ZMYM2: variants seen among roughly 807,000 people sequenced by gnomAD.
ZMYM2 encodes zinc finger MYM-type containing 2, also known as zinc finger MYM-type protein 2.
A neutral mutation model predicts 162.8 loss-of-function variants in ZMYM2; 56 were observed. The ratio of observed to expected loss-of-function variants is 0.34; its 90% confidence interval spans 0.28 to 0.43. The LOEUF is 0.43. ZMYM2 is among the 20% of genes least tolerant of loss of function. ZMYM2 has a pLI of 1.00. For missense variants in ZMYM2, 1,275 were observed against 1,621.8 expected (o/e 0.79, Z 3.67); for synonymous variants, 510 against 541.6 (o/e 0.94, Z 0.81).
chr13:19,905,142 G>T, the ZMYM2 span, among the ~76,000 whole-genome samples: 1 of 151,422 alleles, frequency 6.6e-6, no homozygotes, highest in Admixed American at 6.6e-5. Flanking sequence ...CTCCCAAGTA[G>T]CTGAGACTAC....
chr13:19,878,517 C>CCCCCT, the ZMYM2 span, among the ~76,000 whole-genome samples: 2 of 99,028 alleles, frequency 2.0e-5, no homozygotes, highest in Non-Finnish European at 4.2e-5. Context: ...TTCCTTTGCC[C>CCCCCT]TTTTTTTTTT....
At chr13:20,026,540 A>G in intron 7 of ZMYM2, 72 bp from the exon 8 acceptor site, 1 of 1,460,366 alleles carries the variant, frequency 6.8e-7, no homozygotes, top group African/African-American at 1.4e-5. Flanking sequence ...AAAAAGTGTA[A>G]TGAAAAATTG....
chr13:19,958,686 G>C (rs1954747204), upstream of ZMYM2: 1 of 154,358 alleles, frequency 6.5e-6, no homozygotes, highest in South Asian at 2.0e-4. Flanking sequence ...CGGAGGGCGG[G>C]GCCTCCCCGG....
chr13:19,895,092 A>AG, the ZMYM2 span, among the ~76,000 whole-genome samples: 4 of 151,088 alleles, frequency 2.6e-5, no homozygotes, highest in East Asian at 1.9e-4. Context: ...AAAAAAAAAA[A>AG]AAAAAGAAAA....
At chr13:19,909,506 C>T in the ZMYM2 span, among the ~76,000 whole-genome samples, 19 of 142,412 alleles carry the variant, frequency 1.3e-4, no homozygotes, top group Non-Finnish European at 6.0e-5. Context: ...AGTCTTGGCT[C>T]ACTGCAACCT....
intron 2 of ZMYM2, 134 bp from the exon 3 acceptor site, chr13:19,992,929 C>A: frequency 1.0e-6 from 1 of 992,788 alleles, no homozygotes; most frequent in Non-Finnish European, 1.4e-6. Context: ...CACATATTTT[C>A]CTGAATGTTA....
intron 10 of ZMYM2, among the ~76,000 whole-genome samples, chr13:20,032,906 G>T (rs935711811): frequency 1.3e-5 from 2 of 152,068 alleles, no homozygotes; most frequent in Non-Finnish European, 2.9e-5. Context: ...ACCGCACCCA[G>T]CCTGGATTAC....
chr13:19,892,654 A>T, the ZMYM2 span, among the ~76,000 whole-genome samples: 1 of 151,694 alleles, frequency 6.6e-6, no homozygotes, highest in Admixed American at 6.6e-5. Flanking sequence ...TTTGAGAAGT[A>T]GAGGGATTTT....
intron 2 of ZMYM2, among the ~76,000 whole-genome samples, chr13:19,986,474 C>CT (rs1256188229): frequency 6.6e-6 from 1 of 151,930 alleles, no homozygotes; most frequent in East Asian, 1.9e-4. Flanking sequence ...CATCATTACT[C>CT]TAAGGCAGTT....
At chr13:20,067,566 C>CA (rs1956774870) in intron 21 of ZMYM2, among the ~76,000 whole-genome samples, 176 bp downstream of exon 21, 1 of 152,144 alleles carries the variant, frequency 6.6e-6, no homozygotes, top group African/African-American at 2.4e-5. Context: ...TTTCCTTACC[C>CA]ATTGCAGATA....
intron 14 of ZMYM2, 64 bp downstream of exon 14, chr13:20,052,375 G>A: frequency 6.8e-7 from 1 of 1,460,212 alleles, no homozygotes; most frequent in Non-Finnish European, 9.2e-7. Context: ...AAAATAATTA[G>A]GCCAATTTAA....
At chr13:19,910,099 T>C in the ZMYM2 span, among the ~76,000 whole-genome samples, 10 of 146,758 alleles carry the variant, frequency 6.8e-5, no homozygotes, top group South Asian at 4.3e-4. Flanking sequence ...TGGTGGCGGG[T>C]GCCTGTAGTC....
chr13:20,057,489 T>A, intron 14 of ZMYM2, among the ~76,000 whole-genome samples: 1 of 152,094 alleles, frequency 6.6e-6, no homozygotes. Context: ...TAGGATTTTA[T>A]ATGCATAAGG....
chr13:19,915,687 A>C, the ZMYM2 span, among the ~76,000 whole-genome samples: 2 of 151,400 alleles, frequency 1.3e-5, no homozygotes, highest in Non-Finnish European at 2.9e-5. Flanking sequence ...TATTTTTAGT[A>C]GAGACAGAGT....
At chr13:19,890,522 A>AAAAAAAAAG in the ZMYM2 span, among the ~76,000 whole-genome samples, 8 of 148,336 alleles carry the variant, frequency 5.4e-5, no homozygotes, top group Admixed American at 1.3e-4. Flanking sequence ...AAAAAAAAAA[A>AAAAAAAAAG]GTTGGGAAAA....
chr13:20,064,723 T>TTACTATTTCTATTTGTATAGAAATAGTAA (rs879815043), intron 19 of ZMYM2, among the ~76,000 whole-genome samples, 178 bp downstream of exon 19: 4,277 of 150,654 alleles, frequency 0.028, 76 homozygotes, highest in Non-Finnish European at 0.046. Context: ...ATTACTATTA[T>TTACTATTTCTATTTGTATAGAAATAGTAA]TTATTACTAT....
chr13:19,971,958 G>T (rs1956372949), intron 2 of ZMYM2, among the ~76,000 whole-genome samples: 1 of 152,012 alleles, frequency 6.6e-6, no homozygotes, highest in Non-Finnish European at 1.5e-5. Flanking sequence ...GGGTATTAGG[G>T]TATTATTTTA....
rs374316632 is a variant in ZMYM2 at position 20,067,037 on chromosome 13, G to A, written c.3301+18G>A. ...AAAATCTTGTAAGTGTTTTAATTTT[G>A]TTTCTCCTAAGTCCTATTTAAAATC... is the stretch of plus-strand genomic sequence containing the variant. On this transcript the variant is annotated intron_variant, in intron 20 of 24. Coordinates refer to ENST00000610343, the MANE Select transcript of ZMYM2 (RefSeq NM_197968.4). 386 of 1,580,330 alleles carry A rather than the reference G, an allele frequency of 2.4e-4. 1 individual carries two copies. The highest frequency in any genetic ancestry group is 3.0e-4 in the Non-Finnish European group (345 of 1,165,752).
At chr13:20,058,336 T>C (rs1337979111) in intron 14 of ZMYM2, among the ~76,000 whole-genome samples, 1 of 152,198 alleles carries the variant, frequency 6.6e-6, no homozygotes, top group African/African-American at 2.4e-5. Flanking sequence ...ATGGTATCCT[T>C]TGAAGGTGAT....
Sources: allele counts gnomAD v4.1 joint callset (sites outside exome capture counted in the v4.1 genomes callset), GRCh38; gene constraint gnomAD v4.1.1; transcripts MANE v1.5; gene names NCBI Gene and HGNC (gene_info 2026-07-23, HGNC 2026-07-21).